The following PPP2R3C variants were observed in gnomAD, a reference collection of about 807,000 sequenced individuals.
PPP2R3C encodes serine/threonine-protein phosphatase 2A regulatory subunit B'' subunit gamma.
A neutral mutation model predicts 63.7 loss-of-function variants in PPP2R3C; 47 were observed. The ratio of observed to expected loss-of-function variants is 0.74; its 90% CI spans 0.58 to 0.94. The LOEUF (loss-of-function observed/expected upper bound fraction) is 0.94. PPP2R3C is among the 40% of genes least tolerant of loss of function. The pLI is 0.00. For missense variants in PPP2R3C, 421 were observed against 518.4 expected, an observed-to-expected ratio of 0.81 and a Z score of 1.82; for synonymous variants, 180 against 177.4, an observed-to-expected ratio of 1.01 and a Z score of -0.12.
Position 35,107,382 on chromosome 14 carries a change from T to C in PPP2R3C, c.503-8A>G, listed in dbSNP as rs2046398126. 6.3e-7 allele frequency: 1 copy of C among 1,591,586 alleles called. No individual in the cohort carries two copies. The highest frequency in any genetic ancestry group is 8.6e-7 in the Non-Finnish European group (1 of 1,159,886). ...TTGTTTGATGAAGCCAAACTGACAA[T>C]AAACAAGAAAATGAAAGTAATTCTT... On this transcript the variant is annotated splice_polypyrimidine_tract_variant and splice_region_variant and intron_variant, in intron 5 of 12. Coordinates refer to ENST00000261475, the MANE Select transcript of PPP2R3C (RefSeq NM_017917.4).
chr14:35,092,410 C>T (rs1197398829), intron 10 of PPP2R3C, among the ~76,000 whole-genome samples: 1 of 152,000 alleles, frequency 6.6e-6, no homozygotes, highest in Admixed American at 6.5e-5. Flanking sequence ...AAACTTATAA[C>T]TTCATTTCAG....
intron 3 of PPP2R3C, 28 bp from the exon 4 acceptor site, chr14:35,109,959 T>C (rs920885257): frequency 4.7e-6 from 7 of 1,493,262 alleles, no homozygotes; most frequent in Non-Finnish European, 6.4e-6. Flanking sequence ...AGTGAAGATG[T>C]TGTAAGTTAA....
At chr14:35,092,825 T>C (rs1230062916) in intron 10 of PPP2R3C, among the ~76,000 whole-genome samples, 4 of 152,110 alleles carry the variant, frequency 2.6e-5, no homozygotes, top group African/African-American at 2.4e-5. Flanking sequence ...TTAATTCAGA[T>C]TTCCAATAAG....
intron 6 of PPP2R3C, among the ~76,000 whole-genome samples, chr14:35,105,118 T>C (rs1249043903): frequency 6.6e-6 from 1 of 151,916 alleles, no homozygotes; most frequent in East Asian, 1.9e-4. Context: ...ATATCACTCA[T>C]GAATAATCAA....
chr14:35,106,787 C>T (rs1267815000), intron 6 of PPP2R3C, among the ~76,000 whole-genome samples: 2 of 151,592 alleles, frequency 1.3e-5, no homozygotes, highest in Non-Finnish European at 2.9e-5. Context: ...CCTGCCTCAG[C>T]CTTCCAAGTA....
chr14:35,105,295 G>C (rs1403058086), intron 6 of PPP2R3C, among the ~76,000 whole-genome samples: 2 of 151,396 alleles, frequency 1.3e-5, no homozygotes, highest in Admixed American at 6.6e-5. Context: ...CGATTCTCTT[G>C]TCTCAGCCTC....
intron 10 of PPP2R3C, among the ~76,000 whole-genome samples, chr14:35,092,756 C>T (rs1260442706): frequency 2.0e-5 from 3 of 152,040 alleles, no homozygotes; most frequent in Non-Finnish European, 4.4e-5. Context: ...TGTGAGCCAC[C>T]GTGCCCAGTC....
At chr14:35,111,516 G>T (rs1301258169) in intron 2 of PPP2R3C, among the ~76,000 whole-genome samples, 1 of 152,206 alleles carries the variant, frequency 6.6e-6, no homozygotes, top group African/African-American at 2.4e-5. Context: ...TAAAACTAAT[G>T]AAAGGACACC....
chr14:35,117,710 T>TG (rs781691901), intron 1 of PPP2R3C, among the ~76,000 whole-genome samples: 32 of 151,714 alleles, frequency 2.1e-4, no homozygotes, highest in Admixed American at 1.3e-3. Flanking sequence ...TTTTTTTTTT[T>TG]GGAGATGGAG....
intron 10 of PPP2R3C, 105 bp downstream of exon 10, chr14:35,094,943 G>A (rs2045946666): frequency 3.2e-6 from 4 of 1,240,918 alleles, no homozygotes; most frequent in South Asian, 1.5e-5. Context: ...GACAGAGCAA[G>A]ACTCTGTCTC....
intron 2 of PPP2R3C, 98 bp downstream of exon 2, chr14:35,116,511 TC>T: frequency 1.1e-6 from 1 of 945,746 alleles, no homozygotes; most frequent in Non-Finnish European, 1.5e-6. Context: ...CGCCTCAGCC[TC>T]CCAAAGTGTT....
intron 10 of PPP2R3C, among the ~76,000 whole-genome samples, chr14:35,094,472 G>GC (rs1186591884): frequency 3.7e-5 from 5 of 136,380 alleles, no homozygotes; most frequent in Non-Finnish European, 8.0e-5. Context: ...CCTGGCCTCA[G>GC]CTTTTTTTTA....
chr14:35,120,541 G>A (rs915611019), intron 1 of PPP2R3C, among the ~76,000 whole-genome samples: 3 of 152,130 alleles, frequency 2.0e-5, no homozygotes, highest in East Asian at 3.8e-4. Context: ...GACCGCGCCC[G>A]GCCGACTGCT....
At position 35,106,918 on chromosome 14, in the gene PPP2R3C, C is replaced by T. The variant is rs150932458; in HGVS notation, c.573+386G>A. On this transcript the variant is annotated intron_variant, in intron 6 of 12. Transcript: ENST00000261475. ...CCGACCTCAGGTGATCCGCCTGCCT[C>T]ATCCTTCCAAAGTGCTGGGATTACA... Among the ~76,000 whole-genome samples the T allele has an allele frequency of 8.1e-3, 1,235 of 152,208 alleles. 13 individuals are homozygous for T. Among genetic ancestry groups the T allele is most frequent in the African/African-American group, 0.025 (1,052 of 41,544 alleles).
chr14:35,121,669 C>A (rs77634519), intron 1 of PPP2R3C, among the ~76,000 whole-genome samples: 3 of 152,166 alleles, frequency 2.0e-5, no homozygotes, highest in Non-Finnish European at 2.9e-5. Flanking sequence ...TAGATTAAGA[C>A]CATGGAAGTC....
chr14:35,098,810 AGAGAAT>A (rs1309259938), intron 7 of PPP2R3C: 2 of 156,478 alleles, frequency 1.3e-5, no homozygotes, highest in African/African-American at 2.4e-5. Flanking sequence ...CGATCCTTAT[AGAGAAT>A]AAGAAAAATA....
intron 2 of PPP2R3C, among the ~76,000 whole-genome samples, chr14:35,111,957 T>C (rs2046575964): frequency 6.6e-6 from 1 of 152,250 alleles, no homozygotes; most frequent in Non-Finnish European, 1.5e-5. Flanking sequence ...TCCATGTATA[T>C]GAAATTATTT....
At chr14:35,116,203 TTC>T (rs2046705042) in intron 2 of PPP2R3C, among the ~76,000 whole-genome samples, 1 of 151,972 alleles carries the variant, frequency 6.6e-6, no homozygotes, top group African/African-American at 2.4e-5. Context: ...TAAAATATAA[TTC>T]TCTATTTTTA....
chr14:35,095,851 CAAAAAA>C (rs59775301), intron 9 of PPP2R3C, among the ~76,000 whole-genome samples: 4 of 41,160 alleles, frequency 9.7e-5, no homozygotes, highest in African/African-American at 4.0e-4. Context: ...ACTCTATCTC[CAAAAAA>C]AAAAAAAAAA....
Sources: allele counts gnomAD v4.1 joint callset (sites outside exome capture counted in the v4.1 genomes callset), GRCh38; gene constraint gnomAD v4.1.1; transcripts MANE v1.5; gene names NCBI Gene and HGNC (gene_info 2026-07-23, HGNC 2026-07-21).